Variants in RAB27A observed in about 807,000 individuals in gnomAD.
RAB27A encodes the protein ras-related protein Rab-27A.
In RAB27A, 17 loss-of-function variants were observed where a neutral mutation model predicts 20.8. The ratio of observed to expected loss-of-function variants is 0.82; its 90% CI spans 0.56 to 1.23. The LOEUF is 1.23. Ranked by LOEUF, RAB27A falls within the 50% of genes most tolerant of loss-of-function variation. The pLI is 0.00. For missense variants in RAB27A, 277 were observed against 266.7 expected (o/e 1.04, Z -0.27); for synonymous variants, 85 against 92.8 (o/e 0.92, Z 0.48).
At chr15:55,300,062 C>T (rs368935965) in intron 2 of RAB27A, among the ~76,000 whole-genome samples, 3 of 152,092 alleles carry the variant, frequency 2.0e-5, no homozygotes, top group East Asian at 1.9e-4. Context: ...CCCCGTAATC[C>T]GCCCGCCTCG....
At chr15:55,212,966 C>T (rs1895100893) in intron 6 of RAB27A, among the ~76,000 whole-genome samples, 2 of 152,172 alleles carry the variant, frequency 1.3e-5, no homozygotes, top group South Asian at 4.1e-4. Context: ...GACTTCTTGT[C>T]GAAGTCATCC....
At chr15:55,223,776 C>A (rs1779148390) in intron 6 of RAB27A, 113 bp downstream of exon 6, 4 of 1,288,120 alleles carry the variant, frequency 3.1e-6, no homozygotes, top group Non-Finnish European at 3.3e-6. Context: ...TGCCCCAAGG[C>A]CTATGGCTGA....
chr15:55,287,767 T>C (rs1293792033), intron 1 of RAB27A, among the ~76,000 whole-genome samples: 1 of 151,230 alleles, frequency 6.6e-6, no homozygotes, highest in African/African-American at 2.4e-5. Flanking sequence ...AAAAAATTCA[T>C]ATGGAAATTC....
At chr15:55,257,313 C>T (rs1897115937) in intron 2 of RAB27A, among the ~76,000 whole-genome samples, 1 of 152,168 alleles carries the variant, frequency 6.6e-6, no homozygotes, top group African/African-American at 2.4e-5. Context: ...CCACATTTAC[C>T]TCTGCCCTTG....
At chr15:55,315,910 C>A (rs969119454) in intron 1 of RAB27A, among the ~76,000 whole-genome samples, 5 of 152,144 alleles carry the variant, frequency 3.3e-5, no homozygotes, top group Non-Finnish European at 1.5e-5. Flanking sequence ...TGGGTATATA[C>A]CCAAAGGATT....
intron 2 of RAB27A, among the ~76,000 whole-genome samples, chr15:55,250,020 G>A (rs992758945): frequency 2.6e-5 from 4 of 151,986 alleles, no homozygotes; most frequent in Admixed American, 6.6e-5. Flanking sequence ...GGAGTGCAGT[G>A]GCCTGATCTC....
At chr15:55,296,566 T>A (rs1332669304) in intron 2 of RAB27A, among the ~76,000 whole-genome samples, 1 of 151,934 alleles carries the variant, frequency 6.6e-6, no homozygotes, top group Non-Finnish European at 1.5e-5. Flanking sequence ...AGCCAGAAAG[T>A]AAAAGAGTGC....
chr15:55,281,337 G>C (rs1898011574), intron 1 of RAB27A, among the ~76,000 whole-genome samples: 1 of 152,078 alleles, frequency 6.6e-6, no homozygotes, highest in Non-Finnish European at 1.5e-5. Context: ...AGCATACACT[G>C]TCCTCAAAAA....
intron 6 of RAB27A, among the ~76,000 whole-genome samples, chr15:55,211,714 A>C (rs956180829): frequency 6.6e-6 from 1 of 152,192 alleles, no homozygotes; most frequent in Non-Finnish European, 1.5e-5. Context: ...GGCCCAGAAA[A>C]GTTAAGCGGT....
intron 1 of RAB27A, among the ~76,000 whole-genome samples, chr15:55,283,571 G>C (rs1227299635): frequency 1.3e-5 from 2 of 152,176 alleles, no homozygotes; most frequent in African/African-American, 4.8e-5. Flanking sequence ...GTATTTGACT[G>C]TGAGGACAAT....
intron 2 of RAB27A, among the ~76,000 whole-genome samples, chr15:55,299,363 G>T (rs182980953): frequency 6.6e-6 from 1 of 152,202 alleles, no homozygotes; most frequent in Non-Finnish European, 1.5e-5. Flanking sequence ...GGAGGCCAAG[G>T]TGGGTGAATC....
intron 2 of RAB27A, among the ~76,000 whole-genome samples, chr15:55,240,239 G>A (rs1465940280): frequency 6.6e-6 from 1 of 152,112 alleles, no homozygotes; most frequent in Admixed American, 6.6e-5. Context: ...TCAGGAAGGA[G>A]TAAACAGTGA....
chr15:55,299,621 G>C (rs1446015218), intron 2 of RAB27A, among the ~76,000 whole-genome samples: 3 of 149,840 alleles, frequency 2.0e-5, no homozygotes, highest in Admixed American at 6.6e-5. Context: ...AGTCAGTTGT[G>C]AAAGGCAGTG....
chr15:55,314,436 G>C (rs549010919), intron 1 of RAB27A, among the ~76,000 whole-genome samples: 25 of 152,288 alleles, frequency 1.6e-4, no homozygotes, highest in Non-Finnish European at 2.9e-4. Context: ...AATCAGGCAA[G>C]AGAAGAAAGA....
chr15:55,253,713 G>T (rs113828751), intron 2 of RAB27A, among the ~76,000 whole-genome samples: 41 of 151,660 alleles, frequency 2.7e-4, no homozygotes, highest in African/African-American at 9.4e-4. Context: ...GCAAGAGGGT[G>T]ACTCAGAAAG....
intron 6 of RAB27A, among the ~76,000 whole-genome samples, chr15:55,215,945 CAAA>C (rs1162706734): frequency 3.8e-5 from 2 of 52,888 alleles, no homozygotes; most frequent in African/African-American, 1.4e-4. Context: ...GACGCCGTCT[CAAA>C]AAAAAAAAAA....
At chr15:55,271,809 C>T (rs940293077) in intron 1 of RAB27A, among the ~76,000 whole-genome samples, 2 of 152,158 alleles carry the variant, frequency 1.3e-5, no homozygotes, top group African/African-American at 2.4e-5. Flanking sequence ...GGCAGCTCAA[C>T]GTGTGACTGA....
chr15:55,315,077 G>A (rs1222325045), intron 1 of RAB27A, among the ~76,000 whole-genome samples: 1 of 152,046 alleles, frequency 6.6e-6, no homozygotes, highest in Non-Finnish European at 1.5e-5. Flanking sequence ...ATAGACAAAT[G>A]GAACAGAACA....
At chr15:55,211,087 T>C (rs1895005086) in intron 6 of RAB27A, among the ~76,000 whole-genome samples, 1 of 152,180 alleles carries the variant, frequency 6.6e-6, no homozygotes, top group Non-Finnish European at 1.5e-5. Context: ...TGGATTTATA[T>C]CTGGGTTCTC....
Sources: allele counts gnomAD v4.1 joint callset (sites outside exome capture counted in the v4.1 genomes callset), GRCh38; gene constraint gnomAD v4.1.1; transcripts MANE v1.5; gene names NCBI Gene and HGNC (gene_info 2026-07-23, HGNC 2026-07-21).